The following USP6NL variants were observed in gnomAD, a reference collection of about 807,000 sequenced individuals.
USP6NL encodes the protein USP6 N-terminal-like protein.
A neutral mutation model predicts 61.9 loss-of-function variants in USP6NL; 26 were observed. The ratio of observed to expected loss-of-function variants is 0.42; its 90% CI spans 0.31 to 0.58. The LOEUF is 0.58. Ranked by LOEUF, USP6NL falls within the 20% of genes least tolerant of loss-of-function variation. The pLI is 0.16. For missense variants in USP6NL, 1,114 were observed against 1,034.3 expected (o/e 1.08, Z -1.06); for synonymous variants, 432 against 390.1 (o/e 1.11, Z -1.27).
At chr10:11,464,763 T>G (rs1050958075) in intron 14 of USP6NL, among the ~76,000 whole-genome samples, 2 of 152,260 alleles carry the variant, frequency 1.3e-5, no homozygotes, top group Non-Finnish European at 2.9e-5. Context: ...CTTATACCTT[T>G]TGGTAAGAAA....
At chr10:11,492,345 G>C (rs1002737721) in intron 8 of USP6NL, among the ~76,000 whole-genome samples, 1 of 152,194 alleles carries the variant, frequency 6.6e-6, no homozygotes, top group Non-Finnish European at 1.5e-5. Context: ...GTGTCACTGG[G>C]AACGTATTTT....
chr10:11,538,096 TTTAA>T (rs1835905408), intron 2 of USP6NL, among the ~76,000 whole-genome samples: 1 of 152,196 alleles, frequency 6.6e-6, no homozygotes. Context: ...AAATTATGGT[TTTAA>T]TTAAGTTAAA....
At chr10:11,497,482 T>A (rs1334555122) in intron 7 of USP6NL, among the ~76,000 whole-genome samples, 1 of 151,622 alleles carries the variant, frequency 6.6e-6, no homozygotes, top group Non-Finnish European at 1.5e-5. Context: ...ACTGTTGTTC[T>A]ACAGGCTTCC....
In USP6NL at chr10:11,510,500, G is replaced by A. The variant is rs545682047; in HGVS notation, c.196-825C>T. 6.6e-6 allele frequency among the ~76,000 whole-genome samples: 1 copy of A among 152,146 alleles called. No individual in the cohort carries two copies. Among genetic ancestry groups the A allele is most frequent in the Non-Finnish European group, 1.5e-5 (1 of 68,028 alleles). The stretch of plus-strand genomic sequence containing the variant: ...GGACACCAGGCTGCCAAAGTTGGGA[G>A]AAGTCTCTTGCGTGCCCACTCAAGT... On this transcript the variant is annotated intron_variant, in intron 5 of 14. Coordinates refer to ENST00000609104, the MANE Select transcript of USP6NL (RefSeq NM_014688.5). The surrounding 1 kb of genome is among the most constrained non-coding windows in gnomAD (Gnocchi z 4.8).
intron 5 of USP6NL, among the ~76,000 whole-genome samples, chr10:11,516,110 G>A (rs1225959121): frequency 6.6e-6 from 1 of 152,092 alleles, no homozygotes; most frequent in Non-Finnish European, 1.5e-5. Context: ...TAAATATAAT[G>A]TTTGTTTATG....
At chr10:11,556,297 G>A (rs1836703811) in intron 2 of USP6NL, among the ~76,000 whole-genome samples, 1 of 152,104 alleles carries the variant, frequency 6.6e-6, no homozygotes, top group South Asian at 2.1e-4. Context: ...ATAACAAAAT[G>A]ATTTATAACA....
Position 11,602,772 on chromosome 10 carries a change from C to A in USP6NL, c.-83-5055G>T, listed in dbSNP as rs1380282389. The stretch of plus-strand genomic sequence containing the variant: ...TGGTATAATGCAAATATTCCAAAAT[C>A]TGAAAAAATCTAAAACCTGAAACAC... On this transcript the variant is annotated intron_variant, in intron 1 of 14. Coordinates refer to ENST00000609104, the MANE Select transcript of USP6NL (RefSeq NM_014688.5). This position sits in a 1 kb window ranked among gnomAD's most constrained non-coding sequence, Gnocchi z 4.8. Among the ~76,000 whole-genome samples the A allele has an allele frequency of 6.6e-6, 1 of 152,158 alleles. No individual in the cohort carries two copies. Among genetic ancestry groups the A allele is most frequent in the East Asian group, 1.9e-4 (1 of 5,202 alleles).
In USP6NL at chr10:11,463,021, G is replaced by C; in HGVS notation, c.1907C>G (p.Pro636Arg). ...LAHPPSYSNP[P>R]VYHGNSPKHF... ...TTTGGGAGAGTTTCCGTGGTAAACG[G>C]GGGGATTGCTGTAGGAGGGGGGATG... Residue 636 changes from proline to arginine, a missense_variant, in exon 15 of 15, where the codon CCC (proline) becomes CGC (arginine). Transcript: ENST00000609104. This position sits in a 1 kb window ranked among gnomAD's most constrained non-coding sequence, Gnocchi z 6.3. The C allele has an allele frequency of 6.2e-7, 1 of 1,613,910 alleles. No homozygotes were observed. The highest frequency in any genetic ancestry group is 8.5e-7 in the Non-Finnish European group (1 of 1,179,858).
rs2096211427 is a variant in USP6NL at position 11,460,685 on chromosome 10, T to G, written c.*1756A>C. ...TCTACAGTATTTACCACTGTTGATATATATATTTTGGAGCAGCTCAGATAC... is the reference window on the plus strand; with the variant it reads ...TCTACAGTATTTACCACTGTTGATAGATATATTTTGGAGCAGCTCAGATAC... On this transcript the variant is annotated 3_prime_UTR_variant, in exon 15 of 15. Transcript: ENST00000609104. 1 of 149,732 alleles carries G rather than the reference T, an allele frequency of 6.7e-6. No homozygotes were observed. The highest frequency in any genetic ancestry group is 1.5e-5 in the Non-Finnish European group (1 of 67,434). 9.3% of individuals were successfully genotyped at this position (149,732 alleles called of 1,614,324 possible).
At chr10:11,492,012 T>C (rs991521850) in intron 8 of USP6NL, among the ~76,000 whole-genome samples, 1 of 152,230 alleles carries the variant, frequency 6.6e-6, no homozygotes, top group African/African-American at 2.4e-5. Context: ...TTCCCTCTCT[T>C]TTACCTTATC....
chr10:11,609,834 C>G (rs577328933), intron 1 of USP6NL, among the ~76,000 whole-genome samples: 2 of 152,334 alleles, frequency 1.3e-5, no homozygotes, highest in Non-Finnish European at 2.9e-5. Flanking sequence ...AGTGCCAAAT[C>G]TGACACTTTC....
In USP6NL at chr10:11,462,723, T is replaced by C. The variant is rs762095734; in HGVS notation, c.2205A>G (p.Thr735=). The C allele has an allele frequency of 5.6e-6, 9 of 1,613,910 alleles. No homozygotes were observed. In the Admixed American group the frequency reaches 1.3e-4, roughly 24 times the overall value. Residue 735 remains threonine (T), a synonymous_variant, in exon 15 of 15, where the codon ACA becomes ACG. Coordinates refer to ENST00000609104, the MANE Select transcript of USP6NL (RefSeq NM_014688.5). ...TGTATGTATAACTAACTTCTGACCA[T>C]GTTCTGTTATCTGGCAAGTAATCCA... ...PPVDYLPDNR[T]WSEVSYTYRP... is the part of the protein sequence containing the mutation.
chr10:11,597,670 T>C lies in USP6NL; in HGVS notation c.-36A>G, dbSNP rs532935814. Reference sequence around the variant, plus strand: ...GGGTCTGAATGTTGTCCCAATCAGATATTAAACCAAAATCTGCTGTCCAAG... The same window carrying C: ...GGGTCTGAATGTTGTCCCAATCAGACATTAAACCAAAATCTGCTGTCCAAG... On this transcript the variant is annotated 5_prime_UTR_variant, in exon 2 of 15. In the 5' UTR this introduces an upstream ATG that the reference lacks. Coordinates refer to ENST00000609104, the MANE Select transcript of USP6NL (RefSeq NM_014688.5). The surrounding 1 kb of genome is among the most constrained non-coding windows in gnomAD (Gnocchi z 4.6). The C allele has an allele frequency of 1.4e-5, 22 of 1,547,282 alleles. 1 individual carries two copies. The East Asian group carries it at 5.4e-4, about 38-fold the overall frequency.
In USP6NL at chr10:11,491,490, T is replaced by C. The variant is rs189911405; in HGVS notation, c.495-610A>G. 3.4e-4 allele frequency among the ~76,000 whole-genome samples: 52 copies of C among 152,304 alleles called. No homozygotes were observed. The highest frequency in any genetic ancestry group is 1.1e-3 in the African/African-American group (46 of 41,562). ...TCCAAAAGGAGGAATGCTTCCACCA[T>C]GAGACATAACAGTGATTCCACTGAC... On this transcript the variant is annotated intron_variant, in intron 8 of 14. Transcript: ENST00000609104. The surrounding 1 kb of genome is among the most constrained non-coding windows in gnomAD (Gnocchi z 4.7).
intron 2 of USP6NL, among the ~76,000 whole-genome samples, chr10:11,571,249 A>C (rs576415990): frequency 6.6e-6 from 1 of 152,018 alleles, no homozygotes; most frequent in Non-Finnish European, 1.5e-5. Flanking sequence ...ACGCCCGGCT[A>C]ATTTTGTGGT....
chr10:11,462,597 G>A lies in USP6NL; in HGVS notation c.2331C>T (p.Leu777=). The change falls in exon 15 of 15, where the codon CTC becomes CTT. Residue 777 remains leucine, a synonymous_variant. Coordinates refer to ENST00000609104, the MANE Select transcript of USP6NL (RefSeq NM_014688.5). ...CGGGACTATCTACAGAAACTGCAGG[G>A]AGGCCATGGTCCTGAAAGGGTGCGA... ...FQLAPFQDHG[L]PAVSVDSPVR... is the part of the protein sequence containing the mutation. 2.5e-6 allele frequency: 4 copies of A among 1,614,036 alleles called. No homozygotes were observed. Among genetic ancestry groups the A allele is most frequent in the Non-Finnish European group, 3.4e-6 (4 of 1,179,894 alleles).
Position 11,490,970 on chromosome 10 carries a change from G to A in USP6NL, c.495-90C>T. 1 of 1,123,318 alleles carries A rather than the reference G, an allele frequency of 8.9e-7. No individual in the cohort carries two copies. Among genetic ancestry groups the A allele is most frequent in the Middle Eastern group, 2.9e-4 (1 of 3,400 alleles). The allele number at this position is 1,123,318 out of a possible 1,614,324, so 69.6% of individuals were successfully genotyped here. ...TAAAAAAATAAACCAAAGACTGACT[G>A]AAAACAGATAATCCAGATAAAATTA... is the stretch of plus-strand genomic sequence containing the variant. On this transcript the variant is annotated intron_variant, in intron 8 of 14. Transcript: ENST00000609104. The surrounding 1 kb of genome is among the most constrained non-coding windows in gnomAD (Gnocchi z 4.5).
intron 2 of USP6NL, among the ~76,000 whole-genome samples, chr10:11,568,149 TTGTGTGTG>T (rs35053647): frequency 1.5e-4 from 22 of 149,604 alleles, no homozygotes; most frequent in African/African-American, 2.7e-4. Flanking sequence ...CGGGAGGTAG[TTGTGTGTG>T]TGTGTGTGTG....
In USP6NL at chr10:11,499,943, T is replaced by C. The variant is rs1323041040; in HGVS notation, c.384+1158A>G. On this transcript the variant is annotated intron_variant, in intron 7 of 14. Transcript: ENST00000609104. The surrounding 1 kb of genome is among the most constrained non-coding windows in gnomAD (Gnocchi z 4.5). The stretch of plus-strand genomic sequence containing the variant: ...ACAAATACTAACAGAGCACCTACCA[T>C]ATGCTAGGCACACTGTACTAGGTGC... Among the ~76,000 whole-genome samples, 1 of 152,170 alleles carries C rather than the reference T, an allele frequency of 6.6e-6. No homozygotes were observed. Among genetic ancestry groups the C allele is most frequent in the Non-Finnish European group, 1.5e-5 (1 of 68,034 alleles).
Sources: gnomAD v4.1 joint callset for allele counts (sites outside exome capture counted in the v4.1 genomes callset) on GRCh38, gnomAD v4.1.1 for gene constraint, Gnocchi (gnomAD v3.1) non-coding constraint, MANE v1.5 for transcripts, NCBI Gene and HGNC (gene_info 2026-07-23, HGNC 2026-07-21) for gene names.